MORC1: variants seen among roughly 807,000 people sequenced by gnomAD.
MORC1 encodes the protein MORC family CW-type zinc finger protein 1.
In MORC1, 59 loss-of-function variants were observed where a neutral mutation model predicts 134.9. The ratio of observed to expected loss-of-function variants is 0.44; its 90% CI spans 0.35 to 0.54. The LOEUF (loss-of-function observed/expected upper bound fraction) is 0.54, where lower values mean the gene tolerates loss of function less well. Ranked by LOEUF, MORC1 falls within the 20% of genes least tolerant of loss-of-function variation. MORC1 has a pLI of 0.00. For missense variants in MORC1, 947 were observed against 1,134.5 expected (o/e 0.83, Z 2.37); for synonymous variants, 395 against 391.7 (o/e 1.01, Z -0.10).
intron 4 of MORC1, among the ~76,000 whole-genome samples, chr3:109,103,292 G>A (rs1445932138): frequency 6.6e-6 from 1 of 152,132 alleles, no homozygotes; most frequent in African/African-American, 2.4e-5. Flanking sequence ...ATAATGTGCT[G>A]GCTTTGTGCT....
intron 27 of MORC1, among the ~76,000 whole-genome samples, chr3:108,962,329 A>G (rs1947101699): frequency 6.6e-6 from 1 of 152,178 alleles, no homozygotes; most frequent in African/African-American, 2.4e-5. Context: ...AATACAAGAT[A>G]AATTTCAGAT....
chr3:109,063,870 T>C (rs1045387280), intron 9 of MORC1, among the ~76,000 whole-genome samples: 2 of 152,022 alleles, frequency 1.3e-5, no homozygotes, highest in African/African-American at 4.8e-5. Flanking sequence ...CTGAATACAG[T>C]TGAAAGTATG....
intron 13 of MORC1, among the ~76,000 whole-genome samples, chr3:109,055,670 A>G (rs1949942505): frequency 2.0e-5 from 3 of 152,140 alleles, no homozygotes; most frequent in Admixed American, 2.0e-4. Flanking sequence ...CTAACATAAC[A>G]TTCATTCATT....
At chr3:108,992,374 C>A (rs558594702) in intron 21 of MORC1, among the ~76,000 whole-genome samples, 1 of 152,236 alleles carries the variant, frequency 6.6e-6, no homozygotes, top group Non-Finnish European at 1.5e-5. Flanking sequence ...CTTTCCAAAA[C>A]ATCTTTTTTG....
intron 2 of MORC1, among the ~76,000 whole-genome samples, chr3:109,111,665 A>G (rs1951171911): frequency 6.6e-6 from 1 of 152,230 alleles, no homozygotes; most frequent in Non-Finnish European, 1.5e-5. Context: ...GACTTAGCTG[A>G]TGAGGAAGAA....
chr3:108,982,616 A>T lies in MORC1; in HGVS notation c.2324+2100T>A, dbSNP rs1947765373. Among the ~76,000 whole-genome samples the T allele has an allele frequency of 2.0e-5, 3 of 151,820 alleles. No homozygotes were observed. In the South Asian group the frequency reaches 6.2e-4, roughly 31 times the overall value. On this transcript the variant is annotated intron_variant, in intron 23 of 27. Coordinates refer to ENST00000232603, the MANE Select transcript of MORC1 (RefSeq NM_014429.4). ...GCAGGGGGAGGGATAGCATTAGGAG[A>T]AATACCTAACATAAATGACGAGTTA...
chr3:109,048,209 G>C (rs753988081), intron 14 of MORC1, among the ~76,000 whole-genome samples: 5 of 152,104 alleles, frequency 3.3e-5, no homozygotes, highest in Non-Finnish European at 7.4e-5. Flanking sequence ...GTGAGACAGC[G>C]ATAGAGAAAG....
At chr3:109,111,060 A>AAAAAC (rs1320896267) in intron 2 of MORC1, among the ~76,000 whole-genome samples, 5 of 150,790 alleles carry the variant, frequency 3.3e-5, no homozygotes, top group Non-Finnish European at 7.4e-5. Flanking sequence ...TAAAAAAAAA[A>AAAAAC]AAAAAAAACA....
chr3:108,986,175 T>G (rs1252012003), intron 22 of MORC1, among the ~76,000 whole-genome samples: 1 of 152,138 alleles, frequency 6.6e-6, no homozygotes, highest in East Asian at 1.9e-4. Context: ...ATGAAAATAA[T>G]GGATGTGTTT....
At chr3:109,068,008 T>G (rs1950237072) in intron 9 of MORC1, among the ~76,000 whole-genome samples, 1 of 152,162 alleles carries the variant, frequency 6.6e-6, no homozygotes, top group Non-Finnish European at 1.5e-5. Context: ...GGTAAAGAAT[T>G]TAGAGCCAGA....
At chr3:108,988,564 C>A (rs550506338) in intron 21 of MORC1, among the ~76,000 whole-genome samples, 1 of 152,228 alleles carries the variant, frequency 6.6e-6, no homozygotes, top group East Asian at 1.9e-4. Context: ...AAAGACTTTT[C>A]AGACCAGTTT....
chr3:109,074,643 G>C (rs779354489), intron 8 of MORC1, among the ~76,000 whole-genome samples: 8 of 152,184 alleles, frequency 5.3e-5, no homozygotes, highest in Non-Finnish European at 8.8e-5. Context: ...ACACCTTACA[G>C]TGAAAGCATT....
rs755019604 is a variant in MORC1, at chr3:109,005,209, A to C, written c.1874T>G (p.Ile625Arg). 1 of 1,613,832 alleles carries C rather than the reference A, an allele frequency of 6.2e-7. No homozygotes were observed. The highest frequency in any genetic ancestry group is 1.1e-5 in the South Asian group (1 of 91,062). ...CTCTACATCAGAGTCTGTCTCTTCT[A>C]TGTTTCTTTTCTGTCCTCTACGGCT... ...SASRRGQKRN[I>R]EETDSDVEYI... Residue 625 changes from isoleucine to arginine, a missense_variant, in exon 19 of 28, where the codon ATA (isoleucine) becomes AGA (arginine). By Grantham distance (97) the Ile-to-Arg change is moderately conservative. Transcript: ENST00000232603.
intron 17 of MORC1, among the ~76,000 whole-genome samples, chr3:109,012,239 T>C (rs968456091): frequency 6.6e-6 from 1 of 152,216 alleles, no homozygotes; most frequent in African/African-American, 2.4e-5. Flanking sequence ...GATCCCTTAG[T>C]TGAAAATCAG....
intron 8 of MORC1, among the ~76,000 whole-genome samples, chr3:109,085,894 C>G (rs889594740): frequency 1.3e-5 from 2 of 151,980 alleles, no homozygotes; most frequent in African/African-American, 4.8e-5. Flanking sequence ...ATATACACAA[C>G]AGAATACTAC....
chr3:109,062,366 C>T (rs1333242509), intron 10 of MORC1, among the ~76,000 whole-genome samples: 1 of 151,572 alleles, frequency 6.6e-6, no homozygotes, highest in Non-Finnish European at 1.5e-5. Context: ...CTCCCAGATA[C>T]TAGGGAAGAG....
intron 23 of MORC1, 142 bp downstream of exon 23, chr3:108,984,574 C>T (rs1426642235): frequency 6.8e-6 from 4 of 588,826 alleles, no homozygotes; most frequent in African/African-American, 2.0e-5. Context: ...AATTCTTTCA[C>T]ATCTCTGTTG....
intron 2 of MORC1, among the ~76,000 whole-genome samples, chr3:109,112,812 A>G (rs1177033923): frequency 6.6e-6 from 1 of 152,198 alleles, no homozygotes; most frequent in Admixed American, 6.5e-5. Flanking sequence ...CTATAAGCCA[A>G]ACACACATAA....
rs1370635535 is a variant in MORC1 at position 109,036,947 on chromosome 3, AT to A, written c.1331-1480del. On this transcript the variant is annotated intron_variant, in intron 14 of 27. Transcript: ENST00000232603. ...AAATACTAATCTGCCGTGTTGACTT[AT>A]GATTAACCCCTGTTCTGGAAATGCC... 2.0e-5 allele frequency among the ~76,000 whole-genome samples: 3 copies of A among 152,300 alleles called. No homozygotes were observed. The East Asian group carries it at 5.8e-4, about 29-fold the overall frequency.
Sources: gnomAD v4.1 joint callset for allele counts (sites outside exome capture counted in the v4.1 genomes callset) on GRCh38, gnomAD v4.1.1 for gene constraint, MANE v1.5 for transcripts, NCBI Gene and HGNC (gene_info 2026-07-23, HGNC 2026-07-21) for gene names.